The following SLC9B1 variants were observed in gnomAD, a reference collection of about 807,000 sequenced individuals.
The protein encoded by SLC9B1 is sodium/hydrogen exchanger 9B1.
In SLC9B1, 32 loss-of-function variants were observed where a neutral mutation model predicts 51.7. The observed-to-expected ratio is 0.62, with a 90% CI of 0.47 to 0.83. The LOEUF is 0.83. Among genes scored for constraint, SLC9B1 ranks in the 40% least tolerant of loss-of-function variants. The probability of loss-of-function intolerance (pLI) is 0.00; values close to 1 mark genes in which losing one functional copy is unlikely to be tolerated. For missense variants in SLC9B1, 406 were observed against 613.2 expected (o/e 0.66, Z 3.57); for synonymous variants, 145 against 212.7 (o/e 0.68, Z 2.77).
intron 3 of SLC9B1, chr4:102,962,941 T>A (rs1339569389): frequency 1.3e-5 from 6 of 464,152 alleles, no homozygotes; most frequent in Non-Finnish European, 4.4e-6. Context: ...ACCCAGAGTT[T>A]GCCAACCCAG....
At chr4:103,017,271 T>C (rs1300059689) in intron 1 of SLC9B1, among the ~76,000 whole-genome samples, 1 of 152,238 alleles carries the variant, frequency 6.6e-6, no homozygotes, top group Admixed American at 6.5e-5. Flanking sequence ...TGCAATTATC[T>C]TCTGCTATAG....
At chr4:103,003,570 G>T (rs1389943635) in intron 1 of SLC9B1, among the ~76,000 whole-genome samples, 4 of 152,116 alleles carry the variant, frequency 2.6e-5, no homozygotes, top group Non-Finnish European at 4.4e-5. Context: ...TACTTCCACT[G>T]ATGCCCCTCC....
At chr4:102,954,628 CTG>C (rs945887045) in intron 3 of SLC9B1, among the ~76,000 whole-genome samples, 16 of 152,160 alleles carry the variant, frequency 1.1e-4, no homozygotes, top group African/African-American at 3.9e-4. Flanking sequence ...AGCCAGTTAA[CTG>C]TCACTCAAAC....
At chr4:102,948,376 A>G (rs961563134) in intron 4 of SLC9B1, among the ~76,000 whole-genome samples, 1 of 147,844 alleles carries the variant, frequency 6.8e-6, no homozygotes, top group African/African-American at 2.5e-5. Context: ...ACTACTGGTC[A>G]ATATCCCTGA....
At chr4:102,939,030 G>C (rs1736856405) in intron 6 of SLC9B1, among the ~76,000 whole-genome samples, 1 of 151,486 alleles carries the variant, frequency 6.6e-6, no homozygotes, top group Admixed American at 6.6e-5. Flanking sequence ...CAAAATCAGA[G>C]CAGAATGGAA....
intron 3 of SLC9B1, among the ~76,000 whole-genome samples, chr4:102,966,871 C>T (rs1167286669): frequency 3.9e-5 from 6 of 152,194 alleles, no homozygotes; most frequent in Non-Finnish European, 7.3e-5. Flanking sequence ...CTTCCCTTGT[C>T]ATTTTGCATT....
At chr4:103,019,391 G>C (rs1741618380) in intron 1 of SLC9B1, among the ~76,000 whole-genome samples, 1 of 152,202 alleles carries the variant, frequency 6.6e-6, no homozygotes. Flanking sequence ...GAGAGATGTG[G>C]GATGACGGAG....
At chr4:102,891,889 A>G (rs2110410499) in intron 11 of SLC9B1, 1 of 152,340 alleles carries the variant, frequency 6.6e-6, no homozygotes, top group Non-Finnish European at 1.5e-5. Context: ...CCGGTTGGCC[A>G]TATAGTCCCT....
chr4:102,963,161 C>T, intron 3 of SLC9B1: 1 of 360,642 alleles, frequency 2.8e-6, no homozygotes, highest in Non-Finnish European at 5.4e-6. Flanking sequence ...CCTAAGTTTG[C>T]AGAGGTTCAG....
At chr4:102,936,106 C>CATG (rs1736711762) in intron 6 of SLC9B1, among the ~76,000 whole-genome samples, 13 of 152,298 alleles carry the variant, frequency 8.5e-5, no homozygotes, top group Non-Finnish European at 1.8e-4. Context: ...GGGTATGGTA[C>CATG]CAGCCCTGCA....
chr4:102,915,692 C>T (rs1008599382), intron 7 of SLC9B1, among the ~76,000 whole-genome samples: 5 of 152,136 alleles, frequency 3.3e-5, no homozygotes, highest in African/African-American at 9.7e-5. Context: ...CTGTAATTCA[C>T]TTTTAATTGA....
intron 3 of SLC9B1, among the ~76,000 whole-genome samples, chr4:102,959,224 A>G (rs1025907919): frequency 7.3e-5 from 8 of 109,780 alleles, no homozygotes; most frequent in African/African-American, 3.1e-4. Flanking sequence ...TAGGAGACAT[A>G]CATATATATA....
intron 3 of SLC9B1, among the ~76,000 whole-genome samples, chr4:102,950,806 C>G (rs1210443748): frequency 2.6e-5 from 4 of 152,084 alleles, no homozygotes; most frequent in Non-Finnish European, 5.9e-5. Flanking sequence ...TGAGCCTGAC[C>G]AACATGGTGA....
At chr4:102,962,956 T>G in intron 3 of SLC9B1, 1 of 463,104 alleles carries the variant, frequency 2.2e-6, no homozygotes, top group South Asian at 1.5e-5. Flanking sequence ...ACCCAGACTT[T>G]ATGGAATCCA....
At chr4:102,995,865 A>T (rs144716171) in intron 1 of SLC9B1, among the ~76,000 whole-genome samples, 179 of 152,330 alleles carry the variant, frequency 1.2e-3, no homozygotes, top group Non-Finnish European at 1.4e-3. Flanking sequence ...TGCCAGTTGA[A>T]CTATATTAAG....
intron 1 of SLC9B1, 53 bp from the exon 2 acceptor site, chr4:102,991,765 T>C: frequency 1.6e-6 from 2 of 1,281,316 alleles, no homozygotes; most frequent in Non-Finnish European, 2.1e-6. Context: ...TATAAATCCA[T>C]ATGAAAACAA....
At chr4:102,904,606 G>A (rs1560918333) in intron 11 of SLC9B1, among the ~76,000 whole-genome samples, 1 of 152,102 alleles carries the variant, frequency 6.6e-6, no homozygotes, top group African/African-American at 2.4e-5. Context: ...AACTTTAGGA[G>A]GCTGAGGCAG....
chr4:102,964,384 T>G (rs1456957727), intron 3 of SLC9B1, among the ~76,000 whole-genome samples: 3 of 151,856 alleles, frequency 2.0e-5, no homozygotes, highest in Non-Finnish European at 2.9e-5. Context: ...AATACCAATG[T>G]TACAAAAACT....
chr4:102,988,776 A>C (rs186724240), intron 3 of SLC9B1, among the ~76,000 whole-genome samples: 1 of 152,252 alleles, frequency 6.6e-6, no homozygotes, highest in African/African-American at 2.4e-5. Flanking sequence ...GAAAGAAAAC[A>C]AAGGGGGAAA....
Sources: gnomAD v4.1 joint callset for allele counts (sites outside exome capture counted in the v4.1 genomes callset) on GRCh38, gnomAD v4.1.1 for gene constraint, MANE v1.5 for transcripts, NCBI Gene and HGNC (gene_info 2026-07-23, HGNC 2026-07-21) for gene names.